Variants in JAKMIP1 observed in about 807,000 individuals in gnomAD.
JAKMIP1 encodes the protein janus kinase and microtubule interacting protein 1.
In JAKMIP1, 33 loss-of-function variants were observed where a neutral mutation model predicts 113.0. That is an observed-to-expected ratio of 0.29 (90% confidence interval 0.22 to 0.39). JAKMIP1 has a LOEUF of 0.39. Among genes scored for constraint, JAKMIP1 ranks in the 10% least tolerant of loss-of-function variants. The pLI is 1.00. For synonymous variants in JAKMIP1, 480 were observed against 459.9 expected (o/e 1.04, Z -0.56); for missense variants, 813 against 1,080.5 (o/e 0.75, Z 3.47).
chr4:6,111,065 C>G (rs529617864), intron 2 of JAKMIP1, among the ~76,000 whole-genome samples: 140 of 152,168 alleles, frequency 9.2e-4, no homozygotes, highest in Middle Eastern at 6.8e-3. Context: ...GTTCCAGAAG[C>G]CCAGTCCCCT....
At chr4:6,151,467 C>T (rs549798424) in intron 1 of JAKMIP1, among the ~76,000 whole-genome samples, 5 of 152,228 alleles carry the variant, frequency 3.3e-5, no homozygotes, top group African/African-American at 1.2e-4. Flanking sequence ...CCAAGCTGTT[C>T]TCTCTGCCCA....
chr4:6,161,612 A>G (rs1722968392), intron 1 of JAKMIP1, among the ~76,000 whole-genome samples: 1 of 151,864 alleles, frequency 6.6e-6, no homozygotes, highest in South Asian at 2.1e-4. Flanking sequence ...AAGGAGAAGG[A>G]AGGCAAGGAA....
In JAKMIP1 at chr4:6,056,776, A is replaced by G. The variant is rs1716532356; in HGVS notation, c.1645-17T>C. The G allele has an allele frequency of 6.4e-7, 1 of 1,573,782 alleles. No individual in the cohort carries two copies. The highest frequency in any genetic ancestry group is 1.1e-5 in the South Asian group (1 of 90,306). On this transcript the variant is annotated splice_polypyrimidine_tract_variant and intron_variant, in intron 11 of 20. Coordinates refer to ENST00000409021, the MANE Select transcript of JAKMIP1 (RefSeq NM_001099433.2). ...CTTGGAATCCTAAGGAAAAGTACTA[A>G]ATATGGTCACATTCATGGAAGCAAA...
At position 6,178,214 on chromosome 4, in the gene JAKMIP1, T is replaced by C. The variant is rs1402473952; in HGVS notation, c.-148+22039A>G. ...AAAAATGACCCTTTAATGTTTTGTATCTCATTTTTGAATTGAGAGACGTGG... is the reference window on the plus strand; with the variant it reads ...AAAAATGACCCTTTAATGTTTTGTACCTCATTTTTGAATTGAGAGACGTGG... On this transcript the variant is annotated intron_variant, in intron 1 of 20. Transcript: ENST00000409021. This position sits in a 1 kb window ranked among gnomAD's most constrained non-coding sequence, Gnocchi z 5.5. Among the ~76,000 whole-genome samples, 1 of 152,260 alleles carries C rather than the reference T, an allele frequency of 6.6e-6. No homozygotes were observed. The highest frequency in any genetic ancestry group is 1.5e-5 in the Non-Finnish European group (1 of 68,046).
rs984845099 is a variant in JAKMIP1, at chr4:6,071,733, C to T, written c.1303-6725G>A. Among the ~76,000 whole-genome samples, 6 of 152,292 alleles carry T rather than the reference C, an allele frequency of 3.9e-5. No individual in the cohort carries two copies. The East Asian group carries it at 9.7e-4, about 25-fold the overall frequency. On this transcript the variant is annotated intron_variant, in intron 8 of 20. Coordinates refer to ENST00000409021, the MANE Select transcript of JAKMIP1 (RefSeq NM_001099433.2). ...GCTCCTCTGGCGGTACCTCCAGGAC[C>T]GGCACAGACGGTGTGTGTGCTTGTC...
intron 1 of JAKMIP1, among the ~76,000 whole-genome samples, chr4:6,173,810 T>A (rs926748173): frequency 1.3e-5 from 2 of 152,208 alleles, no homozygotes; most frequent in African/African-American, 4.8e-5. Context: ...GCATGGTGGC[T>A]CACGCCTGTA....
At chr4:6,098,583 A>C (rs1712294428) in intron 3 of JAKMIP1, among the ~76,000 whole-genome samples, 1 of 148,100 alleles carries the variant, frequency 6.8e-6, no homozygotes, top group Non-Finnish European at 1.5e-5. Context: ...AGAAAGAAAG[A>C]AGGAAAGGAA....
In JAKMIP1 at chr4:6,108,138, C is replaced by T. The variant is rs7654781; in HGVS notation, c.130-2171G>A. Among the ~76,000 whole-genome samples the T allele has an allele frequency of 0.23, 35,229 of 151,932 alleles. 5,022 individuals are homozygous for T. Among genetic ancestry groups the T allele is most frequent in the African/African-American group, 0.4 (16,559 of 41,412 alleles). ...TAGGGCAGGGATGGTGACAGAGAGGCAGGGGCCTGGGGACAGGGCCCTGCT... is the reference window on the plus strand; with the variant it reads ...TAGGGCAGGGATGGTGACAGAGAGGTAGGGGCCTGGGGACAGGGCCCTGCT... On this transcript the variant is annotated intron_variant, in intron 2 of 20. Coordinates refer to ENST00000409021, the MANE Select transcript of JAKMIP1 (RefSeq NM_001099433.2). The surrounding 1 kb of genome is among the most constrained non-coding windows in gnomAD (Gnocchi z 5.6).
rs947593302 is a variant in JAKMIP1 at position 6,183,114 on chromosome 4, C to T, written c.-148+17139G>A. ...AACAAAGAGCTAAACATGATACAGG[C>T]AGATAACAATACCACAGATATCTAG... On this transcript the variant is annotated intron_variant, in intron 1 of 20. Coordinates refer to ENST00000409021, the MANE Select transcript of JAKMIP1 (RefSeq NM_001099433.2). The surrounding 1 kb of genome is among the most constrained non-coding windows in gnomAD (Gnocchi z 5.3). Among the ~76,000 whole-genome samples the T allele has an allele frequency of 5.3e-5, 8 of 152,218 alleles. No homozygotes were observed. The highest frequency in any genetic ancestry group is 1.9e-4 in the African/African-American group (8 of 41,452).
At chr4:6,085,302 G>GGGAA (rs1721135980) in intron 4 of JAKMIP1, 118 bp downstream of exon 4, 1 of 814,186 alleles carries the variant, frequency 1.2e-6, no homozygotes, top group South Asian at 1.8e-5. Flanking sequence ...CCAATACTGA[G>GGGAA]TGAATGAATG....
At position 6,197,895 on chromosome 4, in the gene JAKMIP1, C is replaced by A. The variant is rs1219821455; in HGVS notation, c.-148+2358G>T. 6.6e-6 allele frequency among the ~76,000 whole-genome samples: 1 copy of A among 152,264 alleles called. No individual in the cohort carries two copies. Among genetic ancestry groups the A allele is most frequent in the Non-Finnish European group, 1.5e-5 (1 of 68,048 alleles). ...ATTGTTCCCTCTGCCACTTGTCCCA[C>A]AGCCCAATCCACCCTTACACACCAA... On this transcript the variant is annotated intron_variant, in intron 1 of 20. Transcript: ENST00000409021. The surrounding 1 kb of genome is among the most constrained non-coding windows in gnomAD (Gnocchi z 6.5).
At chr4:6,125,778 GCAGAAACACACACACACCATA>G (rs1424291712) in intron 1 of JAKMIP1, among the ~76,000 whole-genome samples, 116 of 102,108 alleles carry the variant, frequency 1.1e-3, no homozygotes, top group Non-Finnish European at 1.5e-3. Context: ...TACACACCAT[GCAGAAACACACACACACCATA>G]CAGAAACACA....
chr4:6,126,665 C>T (rs911391982), intron 1 of JAKMIP1, among the ~76,000 whole-genome samples: 2 of 146,594 alleles, frequency 1.4e-5, no homozygotes, highest in Non-Finnish European at 3.0e-5. Flanking sequence ...CACACATGCC[C>T]CCCCCACACA....
At chr4:6,149,352 CGGA>C (rs936901816) in intron 1 of JAKMIP1, among the ~76,000 whole-genome samples, 5 of 152,170 alleles carry the variant, frequency 3.3e-5, no homozygotes, top group Non-Finnish European at 7.3e-5. Flanking sequence ...AAGAGACAAG[CGGA>C]GAAGAACTGC....
chr4:6,117,499 T>TCACAGGAC (rs1715986396), intron 1 of JAKMIP1, among the ~76,000 whole-genome samples: 2 of 151,514 alleles, frequency 1.3e-5, no homozygotes, highest in Non-Finnish European at 2.9e-5. Flanking sequence ...CAGGGCAAGA[T>TCACAGGAC]CACAGGACCA....
Position 6,076,280 on chromosome 4 carries a change from A to G in JAKMIP1, c.1302+2659T>C, listed in dbSNP as rs545930203. Among the ~76,000 whole-genome samples, 3 of 152,342 alleles carry G rather than the reference A, an allele frequency of 2.0e-5. No individual in the cohort carries two copies. Among genetic ancestry groups the G allele is most frequent in the Non-Finnish European group, 4.4e-5 (3 of 68,032 alleles). On this transcript the variant is annotated intron_variant, in intron 8 of 20. Transcript: ENST00000409021. This position sits in a 1 kb window ranked among gnomAD's most constrained non-coding sequence, Gnocchi z 4.8. ...TCCTATTTCTGAGTTTCTAATGTCAATGTGCAGAAATTTGCCCCGTGTTCG... is the reference window on the plus strand; with the variant it reads ...TCCTATTTCTGAGTTTCTAATGTCAGTGTGCAGAAATTTGCCCCGTGTTCG...
At position 6,081,726 on chromosome 4, in the gene JAKMIP1, C is replaced by T; in HGVS notation, c.984G>A (p.Gln328=). The part of the protein sequence containing the change: ...LLKRSRETEV[Q]LKPLVEKNKR... ...TGTTCTTCTCCACCAGGGGCTTCAG[C>T]TGAACCTCGGTCTCTCGTGAGCGTT... Residue 328 remains glutamine (Q), a synonymous_variant, in exon 6 of 21, where the codon CAG becomes CAA. Transcript: ENST00000409021. This position sits in a 1 kb window ranked among gnomAD's most constrained non-coding sequence, Gnocchi z 4.6. 1 of 1,614,184 alleles carries T rather than the reference C, an allele frequency of 6.2e-7. No homozygotes were observed. Among genetic ancestry groups the T allele is most frequent in the Non-Finnish European group, 8.5e-7 (1 of 1,180,030 alleles).
At position 6,185,460 on chromosome 4, in the gene JAKMIP1, A is replaced by T. The variant is rs1336368552; in HGVS notation, c.-148+14793T>A. On this transcript the variant is annotated intron_variant, in intron 1 of 20. Coordinates refer to ENST00000409021, the MANE Select transcript of JAKMIP1 (RefSeq NM_001099433.2). This position sits in a 1 kb window ranked among gnomAD's most constrained non-coding sequence, Gnocchi z 5.3. Reference sequence around the variant, plus strand: ...CAGGAGATCGAGACCATCCTGGCTAACACAGTGAAACCCCATCTCTACTAA... The same window carrying T: ...CAGGAGATCGAGACCATCCTGGCTATCACAGTGAAACCCCATCTCTACTAA... Among the ~76,000 whole-genome samples, 1 of 152,132 alleles carries T rather than the reference A, an allele frequency of 6.6e-6. No individual in the cohort carries two copies. Among genetic ancestry groups the T allele is most frequent in the Non-Finnish European group, 1.5e-5 (1 of 68,020 alleles).
chr4:6,051,132 G>T lies in JAKMIP1; in HGVS notation c.1807-453C>A, dbSNP rs978346695. ...GCTTTCATTCTGTAGACAAAGAGAA[G>T]GTGGTGGCCCAGGGAGGCTGTGTCT... On this transcript the variant is annotated intron_variant, in intron 13 of 20. Coordinates refer to ENST00000409021, the MANE Select transcript of JAKMIP1 (RefSeq NM_001099433.2). The surrounding 1 kb of genome is among the most constrained non-coding windows in gnomAD (Gnocchi z 5.0). Among the ~76,000 whole-genome samples, 1 of 152,202 alleles carries T rather than the reference G, an allele frequency of 6.6e-6. No homozygotes were observed. Among genetic ancestry groups the T allele is most frequent in the Non-Finnish European group, 1.5e-5 (1 of 68,046 alleles).
Sources: gnomAD v4.1 joint callset for allele counts (sites outside exome capture counted in the v4.1 genomes callset) on GRCh38, gnomAD v4.1.1 for gene constraint, Gnocchi (gnomAD v3.1) non-coding constraint, MANE v1.5 for transcripts, NCBI Gene and HGNC (gene_info 2026-07-23, HGNC 2026-07-21) for gene names.